Variants in ZC3H13 observed in about 807,000 individuals in gnomAD.
ZC3H13 encodes the protein zinc finger CCCH domain-containing protein 13.
Under a neutral mutation model 204.1 loss-of-function variants are expected in ZC3H13, and 64 were observed. The ratio of observed to expected loss-of-function variants is 0.31; its 90% CI spans 0.26 to 0.39. The LOEUF is 0.39. ZC3H13 is among the 10% of genes least tolerant of loss of function. The pLI is 1.00. For missense variants in ZC3H13, 1,833 were observed against 2,082.7 expected, an observed-to-expected ratio of 0.88 and a Z score of 2.33; for synonymous variants, 667 against 693.7, an observed-to-expected ratio of 0.96 and a Z score of 0.60.
intron 9 of ZC3H13, among the ~76,000 whole-genome samples, chr13:45,988,156 G>C (rs1193685306): frequency 2.0e-5 from 3 of 152,098 alleles, no homozygotes; most frequent in African/African-American, 7.2e-5. Flanking sequence ...GTTTTCAAAA[G>C]ACATTAACTC....
At chr13:45,965,475 G>A in intron 15 of ZC3H13, 43 bp from the exon 16 acceptor site, 1 of 1,599,210 alleles carries the variant, frequency 6.3e-7, no homozygotes, top group South Asian at 1.1e-5. Context: ...AACATTAAAG[G>A]GAGAGGATGA....
intron 3 of ZC3H13, among the ~76,000 whole-genome samples, chr13:46,044,229 G>C (rs923833273): frequency 1.3e-5 from 2 of 150,192 alleles, no homozygotes; most frequent in African/African-American, 4.9e-5. Flanking sequence ...GTGTTGCTAT[G>C]CTATAGCCAA....
intron 12 of ZC3H13, 53 bp from the exon 13 acceptor site, chr13:45,970,518 GA>G: frequency 1.3e-6 from 2 of 1,541,798 alleles, no homozygotes; most frequent in Non-Finnish European, 1.8e-6. Context: ...CAAAAAAAGA[GA>G]TTTTTTTGTT....
At chr13:46,043,314 G>A (rs1314062457) in intron 3 of ZC3H13, among the ~76,000 whole-genome samples, 1 of 151,810 alleles carries the variant, frequency 6.6e-6, no homozygotes, top group African/African-American at 2.4e-5. Context: ...TCACTTTAAA[G>A]GATCTCATTA....
At chr13:45,976,127 A>C (rs1953028433) in intron 11 of ZC3H13, 1 of 962,166 alleles carries the variant, frequency 1.0e-6, no homozygotes, top group Admixed American at 6.5e-5. Flanking sequence ...CATGCTCCCT[A>C]CCCTACCTCC....
intron 17 of ZC3H13, chr13:45,963,074 C>A: frequency 1.0e-6 from 1 of 984,218 alleles, no homozygotes; most frequent in Non-Finnish European, 1.2e-6. Flanking sequence ...AGGAACTGTT[C>A]TAAGTGTTTT....
At chr13:46,040,733 G>A (rs1593804200) in intron 4 of ZC3H13, among the ~76,000 whole-genome samples, 2 of 152,042 alleles carry the variant, frequency 1.3e-5, no homozygotes, top group East Asian at 3.8e-4. Flanking sequence ...CCAAAATAAA[G>A]AGAACACTTG....
At chr13:46,011,336 G>A (rs1171079057) in intron 6 of ZC3H13, 79 bp downstream of exon 6, 4 of 1,323,094 alleles carry the variant, frequency 3.0e-6, no homozygotes, top group Non-Finnish European at 4.1e-6. Flanking sequence ...AATTTAAGAT[G>A]TAGCAAGAAG....
intron 1 of ZC3H13, 95 bp from the exon 2 acceptor site, chr13:46,045,611 G>C: frequency 5.0e-6 from 4 of 806,472 alleles, no homozygotes; most frequent in South Asian, 3.2e-5. Context: ...ATAGGTAACA[G>C]TGTAAAATTA....
At chr13:46,005,967 C>A (rs374703238) in intron 7 of ZC3H13, among the ~76,000 whole-genome samples, 1 of 151,770 alleles carries the variant, frequency 6.6e-6, no homozygotes, top group South Asian at 2.1e-4. Context: ...TGGTGGCGCA[C>A]GCCTGTAATC....
chr13:45,968,939 G>T lies in ZC3H13; in HGVS notation c.3605C>A (p.Thr1202Lys). ...GGATGGGGAGCGAAGACGACCAGACGTATGACTACGGTTACTCCGATTGCT... is the reference window on the plus strand; with the variant it reads ...GGATGGGGAGCGAAGACGACCAGACTTATGACTACGGTTACTCCGATTGCT... Reference protein sequence around the residue: ...LGSNRSNRSHTSGRLRSPSND... With the variant: ...LGSNRSNRSHKSGRLRSPSND... Residue 1202 changes from threonine to lysine, a missense_variant, in exon 14 of 19, where the codon ACG (threonine) becomes AAG (lysine). Around this residue, in one of 5 missense-constraint regions of ZC3H13, gnomAD observed 1,574 missense variants for 1,757.2 expected, o/e 0.90. Transcript: ENST00000679008. 6.2e-7 allele frequency: 1 copy of T among 1,614,184 alleles called. No homozygotes were observed.
chr13:45,990,591 C>A (rs2039898577), intron 8 of ZC3H13, among the ~76,000 whole-genome samples: 1 of 152,058 alleles, frequency 6.6e-6, no homozygotes, highest in Non-Finnish European at 1.5e-5. Flanking sequence ...CCATAAGCTA[C>A]TAAAATTTAA....
At chr13:46,025,843 C>A (rs972656296) in intron 4 of ZC3H13, among the ~76,000 whole-genome samples, 1 of 151,092 alleles carries the variant, frequency 6.6e-6, no homozygotes, top group Admixed American at 6.6e-5. Flanking sequence ...TTAGGGTTTT[C>A]GACCTTAATG....
At chr13:45,973,904 A>G (rs557121577) in intron 12 of ZC3H13, among the ~76,000 whole-genome samples, 5 of 152,304 alleles carry the variant, frequency 3.3e-5, no homozygotes, top group African/African-American at 9.6e-5. Flanking sequence ...CAAGGAGTGT[A>G]CTACAGAAAA....
chr13:46,011,507 A>G lies in ZC3H13; in HGVS notation c.496T>C (p.Leu166=), dbSNP rs1489697846. The part of the protein sequence containing the change: ...INYDYVHELS[L]EMKRQKIQRE... ...TGTATCTTCTGACGCTTCATTTCCAATGACAATTCATGAACATAATCATAA... is the reference window on the plus strand; with the variant it reads ...TGTATCTTCTGACGCTTCATTTCCAGTGACAATTCATGAACATAATCATAA... The change falls in exon 6 of 19, where the codon TTG becomes CTG. Residue 166 remains leucine (L), a synonymous_variant. Coordinates refer to ENST00000679008, the MANE Select transcript of ZC3H13 (RefSeq NM_001330564.2). 6.3e-7 allele frequency: 1 copy of G among 1,599,194 alleles called. No homozygotes were observed. Among genetic ancestry groups the G allele is most frequent in the Non-Finnish European group, 8.5e-7 (1 of 1,172,318 alleles).
chr13:46,035,708 CTA>C (rs1446391006), intron 4 of ZC3H13, among the ~76,000 whole-genome samples: 1 of 152,134 alleles, frequency 6.6e-6, no homozygotes, highest in Non-Finnish European at 1.5e-5. Context: ...TGCATTTAAA[CTA>C]TGTTTTATTA....
At chr13:46,040,133 C>T (rs970241945) in intron 4 of ZC3H13, among the ~76,000 whole-genome samples, 3 of 152,154 alleles carry the variant, frequency 2.0e-5, no homozygotes, top group Non-Finnish European at 2.9e-5. Flanking sequence ...AAACCTCCAG[C>T]TGAGAACTAT....
At chr13:45,962,090 A>G (rs1469348898) in intron 17 of ZC3H13, 2 of 819,826 alleles carry the variant, frequency 2.4e-6, no homozygotes, top group Non-Finnish European at 2.9e-6. Flanking sequence ...CAATTATTTC[A>G]TAAATATTTA....
intron 7 of ZC3H13, among the ~76,000 whole-genome samples, chr13:46,003,929 T>C (rs2040934124): frequency 6.6e-6 from 1 of 152,164 alleles, no homozygotes. Flanking sequence ...ACATTGGACT[T>C]GGCAATGATT....
Sources: gnomAD v4.1 joint callset for allele counts (sites outside exome capture counted in the v4.1 genomes callset) on GRCh38, gnomAD v4.1.1 for gene constraint, gnomAD v4.1.1 regional missense constraint, MANE v1.5 for transcripts, NCBI Gene and HGNC (gene_info 2026-07-23, HGNC 2026-07-21) for gene names.